AKAP12: variants seen among roughly 807,000 people sequenced by gnomAD.
AKAP12 encodes the protein A-kinase anchor protein 12.
AKAP12 carries 32 observed loss-of-function variants against 79.9 expected under a neutral mutation model. The observed-to-expected ratio is 0.40, with a 90% CI of 0.30 to 0.54. The LOEUF is 0.54. AKAP12 is among the 20% of genes least tolerant of loss of function. The pLI, the probability that AKAP12 is intolerant of heterozygous loss-of-function variation, is 0.48. For synonymous variants in AKAP12, 808 were observed against 857.0 expected, an observed-to-expected ratio of 0.94 and a Z score of 1.00; for missense variants, 2,074 against 2,177.0, an observed-to-expected ratio of 0.95 and a Z score of 0.94.
At chr6:151,256,807 GC>G (rs1409600154) in intron 2 of AKAP12, among the ~76,000 whole-genome samples, 1 of 151,870 alleles carries the variant, frequency 6.6e-6, no homozygotes, top group Admixed American at 6.6e-5. Context: ...GTGCCACCAT[GC>G]CTGCCTAATT....
intron 3 of AKAP12, among the ~76,000 whole-genome samples, chr6:151,314,897 C>A (rs1777201144): frequency 6.6e-6 from 1 of 151,956 alleles, no homozygotes; most frequent in Non-Finnish European, 1.5e-5. Context: ...ACTAAAAATA[C>A]AAAAATTAGC....
At chr6:151,258,451 C>G (rs1797345542) in intron 2 of AKAP12, among the ~76,000 whole-genome samples, 1 of 152,112 alleles carries the variant, frequency 6.6e-6, no homozygotes, top group Non-Finnish European at 1.5e-5. Context: ...CACTGACAGT[C>G]TCATAGAAAA....
In AKAP12 at chr6:151,349,795, A is replaced by C; in HGVS notation, c.1404A>C (p.Glu468Asp). 6.2e-7 allele frequency: 1 copy of C among 1,614,076 alleles called. No homozygotes were observed. Among genetic ancestry groups the C allele is most frequent in the Non-Finnish European group, 8.5e-7 (1 of 1,179,988 alleles). The stretch of plus-strand genomic sequence containing the variant: ...CCAAGGAGCTGGTGAAGCTCAAAGA[A>C]ACGTGTGTTTCCGGAGAGGACCCTA... ...EPAKELVKLK[E>D]TCVSGEDPTQ... Residue 468 changes from glutamate to aspartate, a missense_variant, in exon 4 of 5, where the codon GAA becomes GAC. Coordinates refer to ENST00000402676, the MANE Select transcript of AKAP12 (RefSeq NM_005100.4).
At chr6:151,258,275 A>G (rs1797341346) in intron 2 of AKAP12, among the ~76,000 whole-genome samples, 3 of 152,202 alleles carry the variant, frequency 2.0e-5, no homozygotes, top group Admixed American at 2.0e-4. Flanking sequence ...CCTCTGGCAA[A>G]TACAAGTAAA....
In AKAP12 at chr6:151,321,911, T is replaced by TG. The variant is rs1424486387; in HGVS notation, c.319+16008_319+16009insG. Among the ~76,000 whole-genome samples, 798 of 144,522 alleles carry TG rather than the reference T, an allele frequency of 5.5e-3. 15 individuals are homozygous for TG. The highest frequency in any genetic ancestry group is 0.02 in the African/African-American group (756 of 37,456). The allele number at this position is 144,522 out of a possible 152,430, so 94.8% of individuals were successfully genotyped here. A position where few individuals can be genotyped will look rare whatever the true frequency, so the allele number is the denominator to read the frequency against. Reference sequence around the variant, plus strand: ...AGGCACATCAGCTTTATGTTTTTTTTTTTTTTTTTTTTTTTTTGACACAGT... The same window carrying TG: ...AGGCACATCAGCTTTATGTTTTTTTTGTTTTTTTTTTTTTTTTTGACACAGT... On this transcript the variant is annotated intron_variant, in intron 3 of 4. Coordinates refer to ENST00000402676, the MANE Select transcript of AKAP12 (RefSeq NM_005100.4).
intron 2 of AKAP12, among the ~76,000 whole-genome samples, chr6:151,245,656 CAAA>C (rs10700236): frequency 4.0e-5 from 4 of 99,118 alleles, no homozygotes; most frequent in South Asian, 4.0e-4. Context: ...GACTCCGTCT[CAAA>C]AAAAAAAAAA....
chr6:151,338,742 C>T (rs1214025803), intron 3 of AKAP12, among the ~76,000 whole-genome samples: 1 of 152,324 alleles, frequency 6.6e-6, no homozygotes, highest in Non-Finnish European at 1.5e-5. Flanking sequence ...TGAGCCGCTG[C>T]ACCCGGCCAT....
intron 3 of AKAP12, chr6:151,319,605 G>C (rs138763517): frequency 1.0e-4 from 15 of 150,104 alleles, no homozygotes; most frequent in African/African-American, 3.4e-4. Flanking sequence ...ATTTGGAGCT[G>C]TATTTCACTC....
intron 3 of AKAP12, among the ~76,000 whole-genome samples, chr6:151,306,803 A>G (rs946106204): frequency 1.3e-5 from 2 of 152,250 alleles, no homozygotes; most frequent in Non-Finnish European, 2.9e-5. Flanking sequence ...CACCACAGGC[A>G]CAATATAAAG....
chr6:151,250,367 C>T (rs555426646), intron 2 of AKAP12, among the ~76,000 whole-genome samples: 10 of 151,754 alleles, frequency 6.6e-5, no homozygotes, highest in Admixed American at 2.6e-4. Flanking sequence ...GGTGTGGTGG[C>T]GCCTGCCTGT....
intron 2 of AKAP12, among the ~76,000 whole-genome samples, chr6:151,242,393 C>G (rs952235859): frequency 6.6e-6 from 1 of 152,124 alleles, no homozygotes; most frequent in Non-Finnish European, 1.5e-5. Flanking sequence ...AGTTGCCAAC[C>G]GTCTTGAAGC....
chr6:151,245,507 G>GA (rs1247521278), intron 2 of AKAP12, among the ~76,000 whole-genome samples: 1 of 151,822 alleles, frequency 6.6e-6, no homozygotes, highest in African/African-American at 2.4e-5. Context: ...ATGTTGGCCA[G>GA]GCTGGTCTCA....
chr6:151,300,321 G>A (rs952754673), intron 2 of AKAP12, among the ~76,000 whole-genome samples: 1 of 152,148 alleles, frequency 6.6e-6, no homozygotes, highest in Non-Finnish European at 1.5e-5. Flanking sequence ...ATACTGCCCG[G>A]GGTGGGACGA....
chr6:151,295,030 C>T lies in AKAP12; in HGVS notation c.163-10717C>T, dbSNP rs536729483. 2.6e-5 allele frequency among the ~76,000 whole-genome samples: 4 copies of T among 152,264 alleles called. No homozygotes were observed. In the East Asian group the frequency reaches 7.7e-4, roughly 29 times the overall value. On this transcript the variant is annotated intron_variant, in intron 2 of 4. Coordinates refer to ENST00000402676, the MANE Select transcript of AKAP12 (RefSeq NM_005100.4). ...CTGCGTCAGAGTTTCCCAAGCTAAC[C>T]TGGAGCACAGAACACTTCTGAGATA...
chr6:151,276,245 A>G (rs1776289969), intron 2 of AKAP12, among the ~76,000 whole-genome samples: 1 of 152,238 alleles, frequency 6.6e-6, no homozygotes, highest in African/African-American at 2.4e-5. Context: ...TAAAATTTAA[A>G]TGTAGCAAAG....
chr6:151,341,630 T>TGGGCTGCCCCTGCCGGC (rs1168060738), intron 3 of AKAP12: 2 of 1,017,066 alleles, frequency 2.0e-6, no homozygotes, highest in Non-Finnish European at 2.4e-6. Context: ...GGGCGGCTGT[T>TGGGCTGCCCCTGCCGGC]GGGCTGCCCC....
chr6:151,334,674 T>G (rs1582889207), intron 3 of AKAP12, among the ~76,000 whole-genome samples: 1 of 149,550 alleles, frequency 6.7e-6, no homozygotes, highest in African/African-American at 2.5e-5. Context: ...CAGGCTGGAG[T>G]GCAGTGGCGC....
chr6:151,354,012 C>T (rs1005359543), intron 4 of AKAP12, among the ~76,000 whole-genome samples: 3 of 152,046 alleles, frequency 2.0e-5, no homozygotes, highest in East Asian at 1.9e-4. Flanking sequence ...TAAAATAAAA[C>T]GGCATGTGTG....
chr6:151,259,505 T>TACACAC (rs1409619287), intron 2 of AKAP12, among the ~76,000 whole-genome samples: 19 of 59,836 alleles, frequency 3.2e-4, no homozygotes, highest in African/African-American at 1.1e-3. Flanking sequence ...TACATGTATA[T>TACACAC]ATATATACAC....
Sources: gnomAD v4.1 joint callset for allele counts (sites outside exome capture counted in the v4.1 genomes callset) on GRCh38, gnomAD v4.1.1 for gene constraint, MANE v1.5 for transcripts, NCBI Gene and HGNC (gene_info 2026-07-23, HGNC 2026-07-21) for gene names.